OR9Q1: variants seen among roughly 807,000 people sequenced by gnomAD.
OR9Q1 encodes olfactory receptor 9Q1.
For synonymous variants in OR9Q1, 153 were observed against 148.6 expected (o/e 1.03, Z -0.22); for missense variants, 374 against 378.8 (o/e 0.99, Z 0.11).
chr11:58,179,534 G>C lies in OR9Q1; in HGVS notation c.90G>C (p.Leu30Phe), dbSNP rs1228849382. Residue 30 changes from leucine (L) to phenylalanine (F), a missense_variant, in exon 3 of 3, where the codon TTG becomes TTC. Coordinates refer to ENST00000335397, the MANE Select transcript of OR9Q1 (RefSeq NM_001005212.4). ...AATGGGCACTCCCTCTCTTCCTCTT[G>C]TTTTTATTTATGTATCTCATCACCG... Reference protein sequence around the residue: ...YPEWALPLFLLFLFMYLITVL... With the variant: ...YPEWALPLFLFFLFMYLITVL... 2 of 1,612,990 alleles carry C rather than the reference G, an allele frequency of 1.2e-6. No homozygotes were observed. Among genetic ancestry groups the C allele is most frequent in the Admixed American group, 1.7e-5 (1 of 59,910 alleles).
rs1388671807 is a variant in OR9Q1 at position 58,180,166 on chromosome 11, C to T, written c.722C>T (p.Thr241Ile). ...GSQAKTFSTC[T>I]SHLTAVSLFF... ...CAGGCCAAGACCTTCTCCACCTGCA[C>T]CTCCCACCTCACTGCTGTGTCACTC... is the stretch of plus-strand genomic sequence containing the variant. The change falls in exon 3 of 3, where the codon ACC becomes ATC. Residue 241 changes from threonine (T) to isoleucine (I), a missense_variant. Thr to Ile is a moderately conservative substitution (Grantham distance 89, BLOSUM62 -1). Coordinates refer to ENST00000335397, the MANE Select transcript of OR9Q1 (RefSeq NM_001005212.4). 1.2e-6 allele frequency: 2 copies of T among 1,613,874 alleles called. No individual in the cohort carries two copies. The highest frequency in any genetic ancestry group is 4.5e-5 in the East Asian group (2 of 44,882).
intron 2 of OR9Q1, among the ~76,000 whole-genome samples, chr11:58,113,963 T>C (rs1853926715): frequency 6.6e-6 from 1 of 151,690 alleles, no homozygotes; most frequent in Non-Finnish European, 1.5e-5. Context: ...TGAAGAACTG[T>C]TAATATTTCT....
At chr11:58,056,685 A>C (rs1437893720) in intron 2 of OR9Q1, among the ~76,000 whole-genome samples, 1 of 152,186 alleles carries the variant, frequency 6.6e-6, no homozygotes, top group South Asian at 2.1e-4. Context: ...GAAAACATTT[A>C]CTATCTGGCT....
At chr11:58,122,962 G>GTT (rs57528065) in intron 2 of OR9Q1, among the ~76,000 whole-genome samples, 15 of 144,948 alleles carry the variant, frequency 1.0e-4, no homozygotes, top group South Asian at 2.2e-4. Context: ...GGTAAATTTT[G>GTT]TTTTTTTTTT....
chr11:58,033,893 T>C (rs1853068372), intron 1 of OR9Q1, among the ~76,000 whole-genome samples: 1 of 152,108 alleles, frequency 6.6e-6, no homozygotes, highest in Non-Finnish European at 1.5e-5. Context: ...GACTTAACTA[T>C]AGTGTAGCTT....
intron 2 of OR9Q1, among the ~76,000 whole-genome samples, chr11:58,141,602 G>T (rs1854249759): frequency 6.6e-6 from 1 of 152,186 alleles, no homozygotes; most frequent in Admixed American, 6.5e-5. Context: ...TTTTTGATGT[G>T]CTGCTGGATT....
At chr11:58,042,363 T>C (rs1266331442) in intron 1 of OR9Q1, among the ~76,000 whole-genome samples, 5 of 152,098 alleles carry the variant, frequency 3.3e-5, no homozygotes, top group African/African-American at 9.7e-5. Context: ...TTTCTACATA[T>C]GGCTAGCCAG....
intron 1 of OR9Q1, among the ~76,000 whole-genome samples, chr11:58,032,651 T>TA (rs574006737): frequency 1.3e-5 from 2 of 152,202 alleles, no homozygotes; most frequent in East Asian, 1.9e-4. Context: ...CCTCAAACTA[T>TA]AAAAAAATCC....
intron 2 of OR9Q1, chr11:58,077,295 T>C (rs981589091): frequency 6.6e-6 from 1 of 152,208 alleles, no homozygotes; most frequent in African/African-American, 2.4e-5. Context: ...CTGCTCCTCC[T>C]TCAATAGCTT....
At chr11:58,088,279 C>T (rs1207513051) in intron 2 of OR9Q1, among the ~76,000 whole-genome samples, 4 of 151,946 alleles carry the variant, frequency 2.6e-5, no homozygotes, top group Non-Finnish European at 4.4e-5. Context: ...CTGCAATAAA[C>T]ATATGTGTGC....
intron 1 of OR9Q1, among the ~76,000 whole-genome samples, chr11:58,034,735 T>TTCCTTCCTTCCTTCCTTCC (rs1853079294): frequency 9.9e-5 from 11 of 111,474 alleles, no homozygotes; most frequent in South Asian, 8.2e-4. Flanking sequence ...GGTTTCTTTC[T>TTCCTTCCTTCCTTCCTTCC]TTCCTTCCTT....
intron 1 of OR9Q1, chr11:58,045,136 A>C (rs919243835): frequency 6.6e-6 from 1 of 152,218 alleles, no homozygotes; most frequent in Non-Finnish European, 1.5e-5. Context: ...GCATATGCAA[A>C]TATTTCAAAA....
intron 1 of OR9Q1, among the ~76,000 whole-genome samples, chr11:58,033,624 G>T (rs1056980003): frequency 1.3e-5 from 2 of 151,948 alleles, no homozygotes; most frequent in African/African-American, 2.4e-5. Context: ...GAGGGGAGGG[G>T]GCAATGGCTG....
chr11:58,053,627 A>AT (rs1491279836), intron 1 of OR9Q1, among the ~76,000 whole-genome samples: 3 of 103,314 alleles, frequency 2.9e-5, no homozygotes, highest in African/African-American at 4.7e-5. Flanking sequence ...ATATATATAT[A>AT]AAATATATAT....
At chr11:58,152,451 T>C (rs1854362408) in intron 2 of OR9Q1, among the ~76,000 whole-genome samples, 1 of 152,202 alleles carries the variant, frequency 6.6e-6, no homozygotes, top group African/African-American at 2.4e-5. Flanking sequence ...TCATGGCCAA[T>C]ATTTACTTGG....
intron 2 of OR9Q1, among the ~76,000 whole-genome samples, chr11:58,162,955 T>G (rs969774511): frequency 1.3e-5 from 2 of 152,206 alleles, no homozygotes; most frequent in African/African-American, 2.4e-5. Context: ...TGTCTCTTTC[T>G]CTAGTAAGAA....
At chr11:58,067,063 G>A (rs1054408334) in intron 2 of OR9Q1, among the ~76,000 whole-genome samples, 1 of 148,722 alleles carries the variant, frequency 6.7e-6, no homozygotes, top group Admixed American at 6.7e-5. Context: ...ACAGAGTCTC[G>A]TTCTGTCGCC....
At chr11:58,146,094 A>G (rs535146471) in intron 2 of OR9Q1, among the ~76,000 whole-genome samples, 2 of 152,346 alleles carry the variant, frequency 1.3e-5, no homozygotes, top group Admixed American at 6.5e-5. Context: ...ATTATTGGAA[A>G]CAATTTGATC....
chr11:58,025,892 G>A (rs1015238273), intron 1 of OR9Q1, among the ~76,000 whole-genome samples: 11 of 152,228 alleles, frequency 7.2e-5, no homozygotes, highest in African/African-American at 2.6e-4. Flanking sequence ...TTGCTGGGGT[G>A]CCTCCCCCTC....
Sources: gnomAD v4.1 joint callset for allele counts (sites outside exome capture counted in the v4.1 genomes callset) on GRCh38, gnomAD v4.1.1 for gene constraint, MANE v1.5 for transcripts, NCBI Gene and HGNC (gene_info 2026-07-23, HGNC 2026-07-21) for gene names.